The following FARS2 variants were observed in gnomAD, a reference collection of about 807,000 sequenced individuals.
FARS2 encodes the protein phenylalanine--tRNA ligase, mitochondrial.
Under a neutral mutation model 46.4 loss-of-function variants are expected in FARS2, and 40 were observed. That is an observed-to-expected ratio of 0.86 (90% CI 0.67 to 1.12). The LOEUF is 1.12. Ranked by LOEUF, FARS2 falls within the 50% of genes most tolerant of loss-of-function variation. FARS2 has a pLI of 0.00. For synonymous variants in FARS2, 234 were observed against 214.9 expected (o/e 1.09, Z -0.78); for missense variants, 513 against 567.9 (o/e 0.90, Z 0.98).
At chr6:5,668,628 A>T (rs992026420) in intron 6 of FARS2, among the ~76,000 whole-genome samples, 2 of 151,318 alleles carry the variant, frequency 1.3e-5, no homozygotes, top group Non-Finnish European at 2.9e-5. Context: ...GTTTGAATCC[A>T]GGTTTTACCT....
At chr6:5,455,942 C>G (rs1466776453) in intron 4 of FARS2, among the ~76,000 whole-genome samples, 1 of 152,154 alleles carries the variant, frequency 6.6e-6, no homozygotes, top group Admixed American at 6.5e-5. Flanking sequence ...CAAGGCTGGG[C>G]GCGGTAGCTT....
At chr6:5,668,686 G>GTTTTTTTTTTTTTTTTTTTTTTTT in intron 6 of FARS2, among the ~76,000 whole-genome samples, 1 of 53,404 alleles carries the variant, frequency 1.9e-5, no homozygotes, top group Non-Finnish European at 3.5e-5. Flanking sequence ...GTGTGTTTGG[G>GTTTTTTTTTTTTTTTTTTTTTTTT]TTTTTTTTTT....
chr6:5,589,421 CAG>C (rs1773795557), intron 5 of FARS2, among the ~76,000 whole-genome samples: 1 of 152,200 alleles, frequency 6.6e-6, no homozygotes, highest in Non-Finnish European at 1.5e-5. Flanking sequence ...TATCAGAGGA[CAG>C]AGCTCAGAAA....
chr6:5,583,090 C>G (rs745973915), intron 5 of FARS2, among the ~76,000 whole-genome samples: 21 of 152,208 alleles, frequency 1.4e-4, no homozygotes, highest in Non-Finnish European at 2.4e-4. Flanking sequence ...AAACATCTTA[C>G]CAGTCAATGG....
rs1332722947 is a variant in FARS2 at position 5,369,087 on chromosome 6, G to A, written c.517G>A (p.Val173Met). 6.2e-7 allele frequency: 1 copy of A among 1,613,780 alleles called. No individual in the cohort carries two copies. The highest frequency in any genetic ancestry group is 1.3e-5 in the African/African-American group (1 of 74,878). The change falls in exon 2 of 7, where the codon GTG (valine) becomes ATG (methionine). Residue 173 changes from valine to methionine, a missense_variant. Physicochemically the swap from Val to Met is conservative, Grantham distance 21. Transcript: ENST00000274680. ...GCACGCGGGACTGGATGCCTTCCTG[G>A]TGGTGGGTGATGTCTACAGGCGTGA... The part of the protein sequence containing the change: ...LLHAGLDAFL[V>M]VGDVYRRDQI...
intron 3 of FARS2, among the ~76,000 whole-genome samples, chr6:5,426,593 T>A (rs9378423): frequency 0.48 from 73,607 of 151,912 alleles, 18,071 homozygotes; most frequent in Non-Finnish European, 0.52. Context: ...ATGATTTTTT[T>A]AAAAATCTCT....
At chr6:5,656,532 A>G (rs1328409724) in intron 6 of FARS2, among the ~76,000 whole-genome samples, 1 of 94,756 alleles carries the variant, frequency 1.1e-5, no homozygotes, top group Non-Finnish European at 2.2e-5. Flanking sequence ...ACTCTCAACC[A>G]TGTTTCTCCT....
intron 4 of FARS2, among the ~76,000 whole-genome samples, chr6:5,459,070 C>G (rs1310228516): frequency 6.6e-6 from 1 of 152,178 alleles, no homozygotes; most frequent in African/African-American, 2.4e-5. Context: ...AACATTGTCT[C>G]TTAATGTTCA....
chr6:5,748,324 G>A (rs1761755425), intron 6 of FARS2, among the ~76,000 whole-genome samples: 1 of 152,120 alleles, frequency 6.6e-6, no homozygotes, highest in Admixed American at 6.5e-5. Flanking sequence ...GACTCATCTC[G>A]AGTGGAAAAG....
rs148659521 is a variant in FARS2, at chr6:5,606,180, C to T, written c.1066-6989C>T. The stretch of plus-strand genomic sequence containing the variant: ...AAGACGTGAACCCTCTGATTGAGAG[C>T]GCTGTCAGAGTACTGAGCAGAATAA... On this transcript the variant is annotated intron_variant, in intron 5 of 6. Transcript: ENST00000274680. Among the ~76,000 whole-genome samples, 697 of 151,832 alleles carry T rather than the reference C, an allele frequency of 4.6e-3. 19 individuals are homozygous for T. The highest frequency in any genetic ancestry group is 0.043 in the Admixed American group (651 of 15,226).
intron 6 of FARS2, among the ~76,000 whole-genome samples, chr6:5,708,668 T>C (rs1200555068): frequency 6.7e-6 from 1 of 149,342 alleles, no homozygotes; most frequent in Non-Finnish European, 1.5e-5. Flanking sequence ...TCCCTCACTT[T>C]ATGGTTTTTA....
chr6:5,461,820 C>G (rs1442391601), intron 4 of FARS2, among the ~76,000 whole-genome samples: 4 of 152,048 alleles, frequency 2.6e-5, no homozygotes, highest in Admixed American at 6.6e-5. Flanking sequence ...ATCTATTTAC[C>G]AGTCAGTGGG....
intron 1 of FARS2, among the ~76,000 whole-genome samples, chr6:5,300,499 G>A (rs1768221481): frequency 6.6e-6 from 1 of 152,074 alleles, no homozygotes; most frequent in Admixed American, 6.5e-5. Flanking sequence ...CGGTTGTGGG[G>A]ACTGGGAATG....
chr6:5,507,814 G>A (rs145786112), intron 4 of FARS2, among the ~76,000 whole-genome samples: 221 of 152,356 alleles, frequency 1.5e-3, no homozygotes, highest in African/African-American at 5.1e-3. Context: ...GAAGCAGAGA[G>A]CAGGGGAGAA....
At chr6:5,454,591 A>G in intron 4 of FARS2, among the ~76,000 whole-genome samples, 1 of 152,086 alleles carries the variant, frequency 6.6e-6, no homozygotes, top group Non-Finnish European at 1.5e-5. Context: ...TGACCCACCC[A>G]CCTCAGCCTC....
chr6:5,325,335 C>G (rs1770292497), intron 1 of FARS2, among the ~76,000 whole-genome samples: 1 of 152,248 alleles, frequency 6.6e-6, no homozygotes, highest in South Asian at 2.1e-4. Flanking sequence ...CAATGCATCA[C>G]TAATTTTGCT....
chr6:5,496,154 G>A (rs914136008), intron 4 of FARS2, among the ~76,000 whole-genome samples: 1 of 151,988 alleles, frequency 6.6e-6, no homozygotes, highest in African/African-American at 2.4e-5. Flanking sequence ...TTTTTGGTTG[G>A]GGGTGGAAGG....
chr6:5,514,051 A>C (rs1297843718), intron 4 of FARS2, among the ~76,000 whole-genome samples: 3 of 151,552 alleles, frequency 2.0e-5, no homozygotes, highest in African/African-American at 7.3e-5. Flanking sequence ...AATGCAGTAA[A>C]GTAGGGAAAA....
At chr6:5,611,061 T>G (rs1202428141) in intron 5 of FARS2, among the ~76,000 whole-genome samples, 1 of 152,190 alleles carries the variant, frequency 6.6e-6, no homozygotes, top group Admixed American at 6.5e-5. Context: ...GTAAGGAGAT[T>G]CCAGAGGTGG....
Sources: gnomAD v4.1 joint callset for allele counts (sites outside exome capture counted in the v4.1 genomes callset) on GRCh38, gnomAD v4.1.1 for gene constraint, MANE v1.5 for transcripts, NCBI Gene and HGNC (gene_info 2026-07-23, HGNC 2026-07-21) for gene names.